Variants in CCDC88C observed in about 807,000 individuals in gnomAD.
CCDC88C encodes protein Daple.
CCDC88C carries 131 observed loss-of-function variants against 198.8 expected under a neutral mutation model. The ratio of observed to expected loss-of-function variants is 0.66; its 90% CI spans 0.57 to 0.76. CCDC88C has a LOEUF of 0.76. Among genes scored for constraint, CCDC88C ranks in the 30% least tolerant of loss-of-function variants. The pLI is 0.00. For synonymous variants in CCDC88C, 1,166 were observed against 1,114.7 expected (o/e 1.05, Z -0.92); for missense variants, 2,553 against 2,631.6 (o/e 0.97, Z 0.65).
chr14:91,392,178 C>T (rs1369887913), intron 3 of CCDC88C, among the ~76,000 whole-genome samples: 1 of 152,132 alleles, frequency 6.6e-6, no homozygotes, highest in African/African-American at 2.4e-5. Context: ...CCAGAGGTTC[C>T]AGCTCTCCCT....
At chr14:91,353,117 T>C (rs540917265) in intron 4 of CCDC88C, among the ~76,000 whole-genome samples, 1 of 152,130 alleles carries the variant, frequency 6.6e-6, no homozygotes, top group African/African-American at 2.4e-5. Flanking sequence ...TTCCAAGGAG[T>C]TTCAGGAGGT....
intron 3 of CCDC88C, among the ~76,000 whole-genome samples, chr14:91,377,300 C>T (rs1596131797): frequency 6.6e-6 from 1 of 152,320 alleles, no homozygotes; most frequent in East Asian, 1.9e-4. Flanking sequence ...CGCGGAGCTC[C>T]CAGCCTGAGG....
chr14:91,377,240 C>A (rs1884489172), intron 3 of CCDC88C, among the ~76,000 whole-genome samples: 1 of 152,176 alleles, frequency 6.6e-6, no homozygotes, highest in African/African-American at 2.4e-5. Context: ...CACGCGAGCC[C>A]TTCCACCCAT....
chr14:91,286,005 A>T (rs1448543357), intron 25 of CCDC88C, among the ~76,000 whole-genome samples: 1 of 152,196 alleles, frequency 6.6e-6, no homozygotes, highest in Non-Finnish European at 1.5e-5. Flanking sequence ...TCAAGAACAG[A>T]ATCAGGGCTC....
chr14:91,390,875 G>A (rs1379717951), intron 3 of CCDC88C, among the ~76,000 whole-genome samples: 3 of 152,184 alleles, frequency 2.0e-5, no homozygotes, highest in Non-Finnish European at 4.4e-5. Flanking sequence ...GGAAGAACAT[G>A]GATTCGGTCC....
In CCDC88C at chr14:91,339,767, C is replaced by T; in HGVS notation, c.624+117G>A. The T allele has an allele frequency of 1.6e-6, 2 of 1,251,554 alleles. No homozygotes were observed. The highest frequency in any genetic ancestry group is 3.1e-5 in the South Asian group (2 of 64,134). The allele number at this position is 1,251,554 out of a possible 1,614,324, so 77.5% of individuals were successfully genotyped here. On this transcript the variant is annotated intron_variant, in intron 7 of 29. Transcript: ENST00000389857. This position sits in a 1 kb window ranked among gnomAD's most constrained non-coding sequence, Gnocchi z 5.8. Reference sequence around the variant, plus strand: ...AACCAGGGAAAGCACGCACGTCCCACCCCCACCAGAACCTCAGCAGCAGGA... The same window carrying T: ...AACCAGGGAAAGCACGCACGTCCCATCCCCACCAGAACCTCAGCAGCAGGA...
At chr14:91,304,070 T>C in intron 19 of CCDC88C, 92 bp from the exon 20 acceptor site, 1 of 1,446,206 alleles carries the variant, frequency 6.9e-7, no homozygotes, top group Admixed American at 1.8e-5. Flanking sequence ...GACACGAAAA[T>C]AGCCGGGACC....
intron 2 of CCDC88C, 105 bp downstream of exon 2, chr14:91,416,632 AC>A (rs2140027154): frequency 2.5e-6 from 2 of 800,046 alleles, no homozygotes; most frequent in Non-Finnish European, 4.2e-6. Context: ...TCAGAGAACT[AC>A]CCCCCACCCC....
Position 91,279,275 on chromosome 14 carries a change from TCTA to T in CCDC88C, c.4728_4730del (p.Ser1576del). Reference sequence around the variant, plus strand: ...GAGGTGAGCTGTTGCTGGATGTGTTTCTACTGCTCTCTAAGCTACTTGGCCGCG... The same window carrying T: ...GAGGTGAGCTGTTGCTGGATGTGTTTCTGCTCTCTAAGCTACTTGGCCGCG... On this transcript the variant is annotated inframe_deletion, in exon 28 of 30. Transcript: ENST00000389857. The T allele has an allele frequency of 1.2e-6, 2 of 1,602,850 alleles. No individual in the cohort carries two copies. Among genetic ancestry groups the T allele is most frequent in the Non-Finnish European group, 1.7e-6 (2 of 1,173,858 alleles).
chr14:91,327,506 C>A (rs564043416), intron 10 of CCDC88C, among the ~76,000 whole-genome samples: 3 of 152,326 alleles, frequency 2.0e-5, no homozygotes, highest in Non-Finnish European at 4.4e-5. Context: ...ACAGTCCCTT[C>A]CTGCAGATGA....
intron 10 of CCDC88C, among the ~76,000 whole-genome samples, chr14:91,329,640 C>T (rs1290641535): frequency 6.6e-6 from 1 of 152,238 alleles, no homozygotes; most frequent in African/African-American, 2.4e-5. Flanking sequence ...CATCCCAGGT[C>T]CCCCTGCTTA....
At chr14:91,380,369 C>G (rs982086153) in intron 3 of CCDC88C, among the ~76,000 whole-genome samples, 10 of 152,178 alleles carry the variant, frequency 6.6e-5, no homozygotes, top group African/African-American at 2.2e-4. Flanking sequence ...CCGCATCTCT[C>G]AATAGGTAAA....
At chr14:91,289,408 T>TAGGGAACCAGGGA in intron 24 of CCDC88C, 65 bp from the exon 25 acceptor site, 2 of 1,391,102 alleles carry the variant, frequency 1.4e-6, no homozygotes, top group Non-Finnish European at 2.0e-6. Flanking sequence ...GGTCCCTGGT[T>TAGGGAACCAGGGA]CCCTAACATG....
At chr14:91,290,400 A>G (rs1890609577) in intron 24 of CCDC88C, among the ~76,000 whole-genome samples, 1 of 152,246 alleles carries the variant, frequency 6.6e-6, no homozygotes, top group Non-Finnish European at 1.5e-5. Flanking sequence ...TTTGACTTCA[A>G]GGCTGGGCCA....
At position 91,313,934 on chromosome 14, in the gene CCDC88C, C is replaced by T. The variant is rs1339685695; in HGVS notation, c.1882G>A (p.Glu628Lys). 6.2e-7 allele frequency: 1 copy of T among 1,613,230 alleles called. No homozygotes were observed. Among genetic ancestry groups the T allele is most frequent in the South Asian group, 1.1e-5 (1 of 91,060 alleles). Residue 628 changes from glutamate to lysine, a missense_variant, in exon 15 of 30, where the codon GAG becomes AAG. This residue lies in a region of CCDC88C where 1,260 missense variants were observed against 1,412.0 expected (regional missense o/e 0.89). Coordinates refer to ENST00000389857, the MANE Select transcript of CCDC88C (RefSeq NM_001080414.4). The surrounding 1 kb of genome is among the most constrained non-coding windows in gnomAD (Gnocchi z 5.2). ...TCCCTCTCCAGCTTCTCTGCCCGCT[C>T]CCCCTTCTCCTTGGCCTGCTCCAAG... The part of the protein sequence containing the change: ...RDLEQAKEKG[E>K]RAEKLERELQ...
chr14:91,416,633 C>A, intron 2 of CCDC88C, 105 bp downstream of exon 2: 2 of 813,956 alleles, frequency 2.5e-6, no homozygotes, highest in Admixed American at 2.0e-5. Context: ...CAGAGAACTA[C>A]CCCCCACCCC....
At position 91,278,165 on chromosome 14, in the gene CCDC88C, T is replaced by C; in HGVS notation, c.4815A>G (p.Glu1605=). 6.2e-7 allele frequency: 1 copy of C among 1,612,318 alleles called. No individual in the cohort carries two copies. The highest frequency in any genetic ancestry group is 8.5e-7 in the Non-Finnish European group (1 of 1,179,188). ...CCAGGTCCCTGCTGGGGATCAGGTC[T>C]TCGCTGCTGAAGCTCTCAGACCGGC... ...LHGRSESFSS[E]DLIPSRDLAT... is the part of the protein sequence containing the mutation. Residue 1605 remains glutamate, a synonymous_variant, in exon 29 of 30, where the codon GAA becomes GAG. Coordinates refer to ENST00000389857, the MANE Select transcript of CCDC88C (RefSeq NM_001080414.4).
chr14:91,383,322 G>A (rs1163620181), intron 3 of CCDC88C, among the ~76,000 whole-genome samples: 1 of 152,220 alleles, frequency 6.6e-6, no homozygotes, highest in African/African-American at 2.4e-5. Context: ...GCTGCCGTGG[G>A]GGGCCCAGCC....
chr14:91,345,944 T>C (rs978542805), intron 4 of CCDC88C, among the ~76,000 whole-genome samples: 60 of 151,324 alleles, frequency 4.0e-4, no homozygotes, highest in African/African-American at 1.3e-3. Flanking sequence ...AAAAAAAAAA[T>C]CTATGTGTTC....
Sources: gnomAD v4.1 joint callset for allele counts (sites outside exome capture counted in the v4.1 genomes callset) on GRCh38, gnomAD v4.1.1 for gene constraint, gnomAD v4.1.1 regional missense constraint, Gnocchi (gnomAD v3.1) non-coding constraint, MANE v1.5 for transcripts, NCBI Gene and HGNC (gene_info 2026-07-23, HGNC 2026-07-21) for gene names.